The following SLITRK5 variants were observed in gnomAD, a reference collection of about 807,000 sequenced individuals.
The protein encoded by SLITRK5 is SLIT and NTRK like family member 5.
In SLITRK5, 23 loss-of-function variants were observed where a neutral mutation model predicts 56.2. The ratio of observed to expected loss-of-function variants is 0.41; its 90% CI spans 0.29 to 0.58. SLITRK5 has a LOEUF of 0.58. Ranked by LOEUF, SLITRK5 falls within the 20% of genes least tolerant of loss-of-function variation. The probability of loss-of-function intolerance (pLI) is 0.30; values close to 1 mark genes in which losing one functional copy is unlikely to be tolerated. For synonymous variants in SLITRK5, 637 were observed against 531.8 expected (o/e 1.20, Z -2.72); for missense variants, 1,289 against 1,226.6 (o/e 1.05, Z -0.76).
rs1017422189 is a variant in SLITRK5, at chr13:87,673,564, G to A, written c.-9+1355G>A. 1.3e-5 allele frequency: 16 copies of A among 1,275,294 alleles called. No homozygotes were observed. The African/African-American group carries it at 2.3e-4, about 18-fold the overall frequency. 79.0% of individuals were successfully genotyped at this position (1,275,294 alleles called of 1,614,324 possible). ...TGCGGATTTGATCCAGCGGAGAACT[G>A]AAATTTCAAGGTAAACGTTTTGCTT... On this transcript the variant is annotated intron_variant, in intron 1 of 1. Coordinates refer to ENST00000683689, the MANE Select transcript of SLITRK5 (RefSeq NM_001384609.1).
rs1216507938 is a variant in SLITRK5, at chr13:87,671,843, C to A, written c.-375C>A. On this transcript the variant is annotated 5_prime_UTR_variant, in exon 1 of 2. Coordinates refer to ENST00000683689, the MANE Select transcript of SLITRK5 (RefSeq NM_001384609.1). ...AGACAGCGTCGGCGGGATCCCAGCG[C>A]GGTGGTCGCCGCTGCGCTGGGGGGC... 2.0e-5 allele frequency among the ~76,000 whole-genome samples: 3 copies of A among 152,170 alleles called. No individual in the cohort carries two copies. The highest frequency in any genetic ancestry group is 2.0e-4 in the Admixed American group (3 of 15,310).
rs1456700867 is a variant in SLITRK5, at chr13:87,671,792, C to A, written c.-426C>A. 2.0e-5 allele frequency among the ~76,000 whole-genome samples: 3 copies of A among 152,132 alleles called. No individual in the cohort carries two copies. The highest frequency in any genetic ancestry group is 7.2e-5 in the African/African-American group (3 of 41,446). On this transcript the variant is annotated 5_prime_UTR_variant, in exon 1 of 2. Coordinates refer to ENST00000683689, the MANE Select transcript of SLITRK5 (RefSeq NM_001384609.1). ...GAGCCTCTCAAATACTAATTAGGGGCCGCGGCGGCGGCGGGCTCGGCGCGG... is the reference window on the plus strand; with the variant it reads ...GAGCCTCTCAAATACTAATTAGGGGACGCGGCGGCGGCGGGCTCGGCGCGG...
Position 87,678,132 on chromosome 13 carries a change from T to G in SLITRK5, c.2744T>G (p.Val915Gly). 6.2e-7 allele frequency: 1 copy of G among 1,614,222 alleles called. No individual in the cohort carries two copies. ...GAGDSRLREP[V>G]LYSPPSAVFV... ...GGGGACAGCAGGCTACGGGAACCGG[T>G]GCTCTACAGCCCCCCGAGTGCTGTC... is the stretch of plus-strand genomic sequence containing the variant. The change falls in exon 2 of 2, where the codon GTG becomes GGG. Residue 915 changes from valine to glycine, a missense_variant. Physicochemically the swap from Val to Gly is moderately radical, Grantham distance 109. Transcript: ENST00000683689.
At position 87,676,275 on chromosome 13, in the gene SLITRK5, C is replaced by T. The variant is rs533532510; in HGVS notation, c.887C>T (p.Pro296Leu). 2.5e-6 allele frequency: 4 copies of T among 1,614,066 alleles called. No individual in the cohort carries two copies. Among genetic ancestry groups the T allele is most frequent in the Middle Eastern group, 1.6e-4 (1 of 6,062 alleles). ...CTTATTTCTGACTACGAGATGAGGCCGCAGACGCCTTTGAGCACCACGGGG... is the reference window on the plus strand; with the variant it reads ...CTTATTTCTGACTACGAGATGAGGCTGCAGACGCCTTTGAGCACCACGGGG... ...RRLISDYEMRPQTPLSTTGYL... is the reference protein window; with the variant it reads ...RRLISDYEMRLQTPLSTTGYL... The change falls in exon 2 of 2, where the codon CCG becomes CTG. Residue 296 changes from proline (P) to leucine (L), a missense_variant. This residue lies in a region of SLITRK5 where 985 missense variants were observed against 906.0 expected (regional missense o/e 1.09). Coordinates refer to ENST00000683689, the MANE Select transcript of SLITRK5 (RefSeq NM_001384609.1).
chr13:87,678,206 A>G lies in SLITRK5; in HGVS notation c.2818A>G (p.Asn940Asp), dbSNP rs1296442459. 11 of 1,614,072 alleles carry G rather than the reference A, an allele frequency of 6.8e-6. No individual in the cohort carries two copies. Among genetic ancestry groups the G allele is most frequent in the Non-Finnish European group, 9.3e-6 (11 of 1,180,052 alleles). The change falls in exon 2 of 2, where the codon AAC becomes GAC. Residue 940 changes from asparagine to aspartate, a missense_variant. Physicochemically the swap from Asn to Asp is conservative, Grantham distance 23 (BLOSUM62 1). Coordinates refer to ENST00000683689, the MANE Select transcript of SLITRK5 (RefSeq NM_001384609.1). Reference sequence around the variant, plus strand: ...ATATCTGGAGTTAAAAGCAAAACTAAACGTTGAGCCGGACTACCTCGAAGT... The same window carrying G: ...ATATCTGGAGTTAAAAGCAAAACTAGACGTTGAGCCGGACTACCTCGAAGT... The part of the protein sequence containing the change: ...NEYLELKAKL[N>D]VEPDYLEVLE...
chr13:87,673,327 C>G (rs922376360), intron 1 of SLITRK5, among the ~76,000 whole-genome samples: 1 of 151,950 alleles, frequency 6.6e-6, no homozygotes, highest in African/African-American at 2.4e-5. Flanking sequence ...AATTTTTGGT[C>G]TCCTTTGCTA....
rs980926423 is a variant in SLITRK5 at position 87,671,380 on chromosome 13, C to G, written c.-838C>G. On this transcript the variant is annotated 5_prime_UTR_variant, in exon 1 of 2. Coordinates refer to ENST00000683689, the MANE Select transcript of SLITRK5 (RefSeq NM_001384609.1). Reference sequence around the variant, plus strand: ...CTGCCATCTATCGGCCACCGAGCGCCCGCTTCGCCCCGGGCCCATCATGTC... The same window carrying G: ...CTGCCATCTATCGGCCACCGAGCGCGCGCTTCGCCCCGGGCCCATCATGTC... The G allele has an allele frequency of 6.6e-6, 1 of 152,332 alleles. No homozygotes were observed. The highest frequency in any genetic ancestry group is 2.4e-5 in the African/African-American group (1 of 41,464). 9.4% of individuals were successfully genotyped at this position (152,332 alleles called of 1,614,324 possible).
In SLITRK5 at chr13:87,679,551, A is replaced by G. The variant is rs998930917; in HGVS notation, c.*1286A>G. ...ATGGGGCTACTGTTGTTACAGTCTC[A>G]TATGTATCCCAGCACATGTAATTTT... On this transcript the variant is annotated 3_prime_UTR_variant, in exon 2 of 2. Coordinates refer to ENST00000683689, the MANE Select transcript of SLITRK5 (RefSeq NM_001384609.1). The G allele has an allele frequency of 1.8e-5, 3 of 166,796 alleles. No homozygotes were observed. Among genetic ancestry groups the G allele is most frequent in the African/African-American group, 7.3e-5 (3 of 41,370 alleles). The allele number at this position is 166,796 out of a possible 1,614,324, so 10.3% of individuals were successfully genotyped here.
At position 87,676,662 on chromosome 13, in the gene SLITRK5, G is replaced by A; in HGVS notation, c.1274G>A (p.Arg425His). The change falls in exon 2 of 2, where the codon CGC becomes CAC. Residue 425 changes from arginine (R) to histidine (H), a missense_variant. Transcript: ENST00000683689. ...YLTENYIAVVRRTDFLEATGL... is the reference protein window; with the variant it reads ...YLTENYIAVVHRTDFLEATGL... ...ACAGAGAACTACATCGCTGTCGTGC[G>A]CAGGACAGACTTCCTGGAGGCCACG... 1.2e-6 allele frequency: 2 copies of A among 1,613,944 alleles called. No homozygotes were observed. Among genetic ancestry groups the A allele is most frequent in the Non-Finnish European group, 1.7e-6 (2 of 1,180,032 alleles).
In SLITRK5 at chr13:87,676,078, A is replaced by G. The variant is rs372805815; in HGVS notation, c.690A>G (p.Leu230=). 1 of 1,614,104 alleles carries G rather than the reference A, an allele frequency of 6.2e-7. No individual in the cohort carries two copies. Residue 230 remains leucine (L), a synonymous_variant, in exon 2 of 2, where the codon CTA becomes CTG. Transcript: ENST00000683689. ...LLQHMDKVVE[L]QLEENPWNCS... is the part of the protein sequence containing the mutation. The stretch of plus-strand genomic sequence containing the variant: ...AGCACATGGATAAAGTTGTGGAGCT[A>G]CAGCTGGAGGAAAACCCTTGGAATT...
At position 87,677,624 on chromosome 13, in the gene SLITRK5, G is replaced by A. The variant is rs1384111661; in HGVS notation, c.2236G>A (p.Gly746Ser). ...GCTGCCCAAGGTGAAGACGCCCGCG[G>A]GCCACGTGTATGAATACATCCCCCA... ...PALPKVKTPA[G>S]HVYEYIPHPL... is the part of the protein sequence containing the mutation. The change falls in exon 2 of 2, where the codon GGC (glycine) becomes AGC (serine). Residue 746 changes from glycine to serine, a missense_variant. Physicochemically the swap from Gly to Ser is moderately conservative, Grantham distance 56. Coordinates refer to ENST00000683689, the MANE Select transcript of SLITRK5 (RefSeq NM_001384609.1). The surrounding 1 kb of genome is among the most constrained non-coding windows in gnomAD (Gnocchi z 4.7). 6.2e-7 allele frequency: 1 copy of A among 1,609,608 alleles called. No individual in the cohort carries two copies.
At chr13:87,675,329 C>G (rs1877223665) in intron 1 of SLITRK5, 52 bp from the exon 2 acceptor site, 2 of 1,355,862 alleles carry the variant, frequency 1.5e-6, no homozygotes, top group Non-Finnish European at 2.1e-6. Context: ...TGACTGATCC[C>G]TTAAATTTTT....
Position 87,672,107 on chromosome 13 carries a change from C to G in SLITRK5, c.-111C>G, listed in dbSNP as rs949546853. Among the ~76,000 whole-genome samples, 2 of 151,978 alleles carry G rather than the reference C, an allele frequency of 1.3e-5. No individual in the cohort carries two copies. The highest frequency in any genetic ancestry group is 4.8e-5 in the African/African-American group (2 of 41,394). On this transcript the variant is annotated 5_prime_UTR_variant, in exon 1 of 2. Transcript: ENST00000683689. ...GCCGAGGGGGGAGGGGAGGGCCGGCCGGCGCGAACCCAGGCCGGAGGGTGC... is the reference window on the plus strand; with the variant it reads ...GCCGAGGGGGGAGGGGAGGGCCGGCGGGCGCGAACCCAGGCCGGAGGGTGC...
chr13:87,673,324 G>T (rs1184359081), intron 1 of SLITRK5, among the ~76,000 whole-genome samples: 1 of 151,880 alleles, frequency 6.6e-6, no homozygotes, highest in Non-Finnish European at 1.5e-5. Flanking sequence ...TCAAATTTTT[G>T]GTCTCCTTTG....
chr13:87,674,558 G>A (rs963621640), intron 1 of SLITRK5, among the ~76,000 whole-genome samples: 2 of 152,114 alleles, frequency 1.3e-5, no homozygotes, highest in South Asian at 4.1e-4. Context: ...TATTTCAGTG[G>A]CTTAAAGATG....
rs749198598 is a variant in SLITRK5 at position 87,676,474 on chromosome 13, C to T, written c.1086C>T (p.Ile362=). ...DLGYSNYGPS[I]AYQTKSPVPL... is the part of the protein sequence containing the mutation. ...GCTACAGCAACTATGGCCCCAGCAT[C>T]GCCTATCAGACCAAATCCCCGGTGC... is the stretch of plus-strand genomic sequence containing the variant. The change falls in exon 2 of 2, where the codon ATC becomes ATT. Residue 362 remains isoleucine (I), a synonymous_variant. Coordinates refer to ENST00000683689, the MANE Select transcript of SLITRK5 (RefSeq NM_001384609.1). 1.9e-6 allele frequency: 3 copies of T among 1,614,082 alleles called. No homozygotes were observed. The highest frequency in any genetic ancestry group is 2.5e-6 in the Non-Finnish European group (3 of 1,180,014).
Position 87,675,595 on chromosome 13 carries a change from GA to G in SLITRK5, c.208del (p.Ile70SerfsTer24). Reference sequence around the variant, plus strand: ...TAACTGTGAGCTGTGAAAACCGGGGGATCATCAGTCTCTCTGAAATTAGCCC... The same window carrying G: ...TAACTGTGAGCTGTGAAAACCGGGGGTCATCAGTCTCTCTGAAATTAGCCC... Reference protein sequence around the residue: ...ILTVSCENRGIISLSEISPPR... With the variant: ...ILTVSCENRGXISLSEISPPR... On this transcript the variant is annotated frameshift_variant, in exon 2 of 2. Coordinates refer to ENST00000683689, the MANE Select transcript of SLITRK5 (RefSeq NM_001384609.1). LOFTEE classifies it high-confidence loss of function. 1 of 1,614,158 alleles carries G rather than the reference GA, an allele frequency of 6.2e-7. No homozygotes were observed.
Position 87,676,279 on chromosome 13 carries a change from G to C in SLITRK5, c.891G>C (p.Gln297His). The change falls in exon 2 of 2, where the codon CAG becomes CAC. Residue 297 changes from glutamine to histidine, a missense_variant. Coordinates refer to ENST00000683689, the MANE Select transcript of SLITRK5 (RefSeq NM_001384609.1). Reference protein sequence around the residue: ...RLISDYEMRPQTPLSTTGYLH... With the variant: ...RLISDYEMRPHTPLSTTGYLH... The stretch of plus-strand genomic sequence containing the variant: ...TTTCTGACTACGAGATGAGGCCGCA[G>C]ACGCCTTTGAGCACCACGGGGTATT... The C allele has an allele frequency of 6.2e-7, 1 of 1,614,138 alleles. No homozygotes were observed. The highest frequency in any genetic ancestry group is 8.5e-7 in the Non-Finnish European group (1 of 1,180,036).
chr13:87,677,206 T>G lies in SLITRK5; in HGVS notation c.1818T>G (p.Ile606Met). 1.2e-6 allele frequency: 2 copies of G among 1,614,132 alleles called. No homozygotes were observed. The highest frequency in any genetic ancestry group is 2.2e-5 in the South Asian group (2 of 91,080). Residue 606 changes from isoleucine (I) to methionine (M), a missense_variant, in exon 2 of 2, where the codon ATT becomes ATG. By Grantham distance (10) the Ile-to-Met change is conservative. Coordinates refer to ENST00000683689, the MANE Select transcript of SLITRK5 (RefSeq NM_001384609.1). This position sits in a 1 kb window ranked among gnomAD's most constrained non-coding sequence, Gnocchi z 4.7. ...TCGCTGAGACCGACATGCGCTCCATTAAGTCGGAGCTGCTGTGCCCTGACT... is the reference window on the plus strand; with the variant it reads ...TCGCTGAGACCGACATGCGCTCCATGAAGTCGGAGCTGCTGTGCCCTGACT... ...KKFAETDMRS[I>M]KSELLCPDYS... is the part of the protein sequence containing the mutation.
Sources: gnomAD v4.1 joint callset for allele counts (sites outside exome capture counted in the v4.1 genomes callset) on GRCh38, gnomAD v4.1.1 for gene constraint, gnomAD v4.1.1 regional missense constraint, Gnocchi (gnomAD v3.1) non-coding constraint, MANE v1.5 for transcripts, NCBI Gene and HGNC (gene_info 2026-07-23, HGNC 2026-07-21) for gene names.